Variants in CPLX1 observed in about 807,000 individuals in gnomAD.
CPLX1 encodes the protein complexin-1.
In CPLX1, 6 loss-of-function variants were observed where a neutral mutation model predicts 15.6. That is an observed-to-expected ratio of 0.39 (90% CI 0.21 to 0.76). CPLX1 has a LOEUF of 0.76. Among genes scored for constraint, CPLX1 ranks in the 30% least tolerant of loss-of-function variants. The pLI is 0.43. For missense variants in CPLX1, 242 were observed against 188.6 expected, an observed-to-expected ratio of 1.28 and a Z score of -1.66; for synonymous variants, 91 against 75.2, an observed-to-expected ratio of 1.21 and a Z score of -1.08.
intron 2 of CPLX1, among the ~76,000 whole-genome samples, chr4:803,748 G>A (rs1403405074): frequency 1.3e-5 from 2 of 151,364 alleles, no homozygotes; most frequent in Admixed American, 1.3e-4. Context: ...TTGGCTCGCT[G>A]CAACCTCCAC....
intron 2 of CPLX1, among the ~76,000 whole-genome samples, chr4:803,237 G>A (rs73207759): frequency 6.6e-6 from 1 of 152,232 alleles, no homozygotes; most frequent in Non-Finnish European, 1.5e-5. Flanking sequence ...ACACACAGCT[G>A]CCGCTGCGAT....
At chr4:803,345 C>T (rs750625601) in intron 2 of CPLX1, among the ~76,000 whole-genome samples, 3 of 152,116 alleles carry the variant, frequency 2.0e-5, no homozygotes, top group Non-Finnish European at 4.4e-5. Flanking sequence ...GCCGCATGTA[C>T]GACAGTGCCC....
rs1408962768 is a variant in CPLX1, at chr4:785,314, C to A, written c.*1187G>T. ...GGTCTCTGCCCGGAGGGGCGTCGGTCGTTAGTATTGCAGTCTAACGTTATG... is the reference window on the plus strand; with the variant it reads ...GGTCTCTGCCCGGAGGGGCGTCGGTAGTTAGTATTGCAGTCTAACGTTATG... On this transcript the variant is annotated 3_prime_UTR_variant, in exon 4 of 4. Coordinates refer to ENST00000304062, the MANE Select transcript of CPLX1 (RefSeq NM_006651.4). The A allele has an allele frequency of 6.6e-6, 1 of 152,532 alleles. No homozygotes were observed. Among genetic ancestry groups the A allele is most frequent in the Non-Finnish European group, 1.5e-5 (1 of 68,052 alleles). 9.4% of individuals were successfully genotyped at this position (152,532 alleles called of 1,614,324 possible).
At chr4:815,700 A>G (rs1157065040) in intron 2 of CPLX1, among the ~76,000 whole-genome samples, 1 of 152,232 alleles carries the variant, frequency 6.6e-6, no homozygotes, top group Non-Finnish European at 1.5e-5. Flanking sequence ...GTTCAGTCTC[A>G]GCTGCAATTG....
intron 2 of CPLX1, among the ~76,000 whole-genome samples, chr4:819,733 A>G (rs1298991472): frequency 1.3e-5 from 2 of 152,234 alleles, no homozygotes; most frequent in East Asian, 3.9e-4. Context: ...TAGCTGTGGC[A>G]AGTAAATGGA....
chr4:786,729 TC>T, intron 3 of CPLX1, 31 bp from the exon 4 acceptor site: 1 of 1,545,656 alleles, frequency 6.5e-7, no homozygotes, highest in East Asian at 2.3e-5. Flanking sequence ...AGGGCGGGGG[TC>T]CCGGCGGCTC....
intron 3 of CPLX1, chr4:788,669 C>A (rs1746074984): frequency 1.2e-6 from 1 of 863,546 alleles, no homozygotes; most frequent in Non-Finnish European, 1.4e-6. Context: ...CAGCTCCAGG[C>A]ACGGAAGTGG....
At position 788,877 on chromosome 4, in the gene CPLX1, G is replaced by A. The variant is rs1434596940; in HGVS notation, c.208-2179C>T. 3.9e-5 allele frequency among the ~76,000 whole-genome samples: 6 copies of A among 152,204 alleles called. No individual in the cohort carries two copies. The South Asian group carries it at 1.0e-3, about 26-fold the overall frequency. ...ACTCAGGAACATGTGTGTGCTCAGA[G>A]GAGCATGCCTGTAACGGCGGAACAT... On this transcript the variant is annotated intron_variant, in intron 3 of 3. Transcript: ENST00000304062.
At chr4:808,453 G>A (rs1426362984) in intron 2 of CPLX1, among the ~76,000 whole-genome samples, 1 of 152,112 alleles carries the variant, frequency 6.6e-6, no homozygotes, top group African/African-American at 2.4e-5. Context: ...GCAAGCCCAG[G>A]CATACACAGC....
intron 2 of CPLX1, among the ~76,000 whole-genome samples, chr4:798,894 A>G (rs555815713): frequency 6.6e-6 from 1 of 152,376 alleles, no homozygotes; most frequent in African/African-American, 2.4e-5. Context: ...TGGCTTAAGC[A>G]AAGATTTCTT....
intron 2 of CPLX1, among the ~76,000 whole-genome samples, chr4:823,795 C>T (rs1011028309): frequency 6.6e-6 from 1 of 152,258 alleles, no homozygotes; most frequent in Admixed American, 6.5e-5. Flanking sequence ...CAATGACAGC[C>T]TTGGGTCAAG....
chr4:810,576 T>C (rs539650954), intron 2 of CPLX1, among the ~76,000 whole-genome samples: 1 of 152,368 alleles, frequency 6.6e-6, no homozygotes, highest in African/African-American at 2.4e-5. Flanking sequence ...CTCGCTGTGG[T>C]GTGTCCCCGT....
In CPLX1 at chr4:786,405, C is replaced by G; in HGVS notation, c.*96G>C. 1.5e-6 allele frequency: 2 copies of G among 1,362,548 alleles called. No individual in the cohort carries two copies. The highest frequency in any genetic ancestry group is 2.0e-6 in the Non-Finnish European group (2 of 1,024,512). 84.4% of individuals were successfully genotyped at this position (1,362,548 alleles called of 1,614,324 possible). ...GGCCTGGGGCTATGGCTTATATCGG[C>G]GTGGGGGCTGCGCTCTGCTCGTCCC... On this transcript the variant is annotated 3_prime_UTR_variant, in exon 4 of 4. Transcript: ENST00000304062.
At chr4:791,348 G>A (rs1352954900) in intron 3 of CPLX1, among the ~76,000 whole-genome samples, 1 of 152,102 alleles carries the variant, frequency 6.6e-6, no homozygotes, top group Non-Finnish European at 1.5e-5. Flanking sequence ...GGTGCATGGC[G>A]GTGGGCGGGG....
intron 2 of CPLX1, among the ~76,000 whole-genome samples, chr4:793,443 C>A (rs1028706855): frequency 6.6e-6 from 1 of 152,190 alleles, no homozygotes; most frequent in African/African-American, 2.4e-5. Context: ...ACAAACACCT[C>A]CCTAAACAGC....
chr4:798,480 T>C (rs969057512), intron 2 of CPLX1, among the ~76,000 whole-genome samples: 4 of 152,190 alleles, frequency 2.6e-5, no homozygotes, highest in South Asian at 2.1e-4. Context: ...GGCTCAATCA[T>C]AGCTCACTGC....
intron 2 of CPLX1, among the ~76,000 whole-genome samples, chr4:822,224 CTCTG>C (rs1286186833): frequency 7.9e-5 from 12 of 151,580 alleles, no homozygotes; most frequent in South Asian, 2.1e-4. Context: ...CTCTAACTCT[CTCTG>C]TCTCTCTCTC....
Position 786,717 on chromosome 4 carries a change from T to A in CPLX1, c.208-19A>T. ...TGCCGTACTGCGGGGGAGGCGGGGG[T>A]CAGGGCGGGGGTCCCGGCGGCTCCC... On this transcript the variant is annotated intron_variant, in intron 3 of 3. Coordinates refer to ENST00000304062, the MANE Select transcript of CPLX1 (RefSeq NM_006651.4). The A allele has an allele frequency of 6.4e-7, 1 of 1,562,482 alleles. No individual in the cohort carries two copies. Among genetic ancestry groups the A allele is most frequent in the Non-Finnish European group, 8.7e-7 (1 of 1,153,444 alleles).
intron 2 of CPLX1, among the ~76,000 whole-genome samples, chr4:818,557 C>T (rs537601319): frequency 1.4e-4 from 21 of 152,396 alleles, no homozygotes; most frequent in African/African-American, 4.8e-4. Context: ...AGACGCTGAC[C>T]TGAGCTGGAG....
Sources: allele counts gnomAD v4.1 joint callset (sites outside exome capture counted in the v4.1 genomes callset), GRCh38; gene constraint gnomAD v4.1.1; transcripts MANE v1.5; gene names NCBI Gene and HGNC (gene_info 2026-07-23, HGNC 2026-07-21).